BCL2L14: variants seen among roughly 807,000 people sequenced by gnomAD.
BCL2L14 encodes BCL2 like 14.
Under a neutral mutation model 35.3 loss-of-function variants are expected in BCL2L14, and 27 were observed. That is an observed-to-expected ratio of 0.76 (90% CI 0.56 to 1.05). The LOEUF is 1.05. Ranked by LOEUF, BCL2L14 falls within the 50% of genes least tolerant of loss-of-function variation. BCL2L14 has a pLI of 0.00. For synonymous variants in BCL2L14, 139 were observed against 145.9 expected (o/e 0.95, Z 0.34); for missense variants, 377 against 382.6 (o/e 0.99, Z 0.12).
chr12:12,069,707 CAAAA>C (rs34941963), upstream of BCL2L14, among the ~76,000 whole-genome samples: 8 of 117,348 alleles, frequency 6.8e-5, no homozygotes, highest in Admixed American at 8.8e-5. Flanking sequence ...GACTCCGTCT[CAAAA>C]AAAAAAAAAA....
At chr12:12,061,931 T>C (rs1948531550) in intron 2 of BCL2L14, among the ~76,000 whole-genome samples, 1 of 152,222 alleles carries the variant, frequency 6.6e-6, no homozygotes, top group Non-Finnish European at 1.5e-5. Context: ...GCATGGTTAG[T>C]GCAGTCCGAA....
At chr12:12,052,064 G>A (rs539491897) in intron 2 of BCL2L14, among the ~76,000 whole-genome samples, 1 of 151,928 alleles carries the variant, frequency 6.6e-6, no homozygotes, top group Non-Finnish European at 1.5e-5. Context: ...CTTTTTTGAG[G>A]TTTTTTTCTT....
chr12:12,058,241 T>G (rs1199312807), intron 2 of BCL2L14, among the ~76,000 whole-genome samples: 1 of 150,854 alleles, frequency 6.6e-6, no homozygotes, highest in Non-Finnish European at 1.5e-5. Context: ...CGTGAGTCAT[T>G]GTGCCCAGAC....
Position 12,079,371 on chromosome 12 carries a change from A to G in BCL2L14, c.66A>G (p.Ile22Met). ...IPLDDDDLNT[I>M]EFKILAYYTR... The stretch of plus-strand genomic sequence containing the variant: ...TAGATGATGATGACCTAAACACCAT[A>G]GAATTCAAAATCCTCGCCTACTACA... Residue 22 changes from isoleucine (I) to methionine (M), a missense_variant, in exon 2 of 6, where the codon ATA becomes ATG. By Grantham distance (10) the Ile-to-Met change is conservative. Transcript: ENST00000308721. The G allele has an allele frequency of 6.2e-7, 1 of 1,614,232 alleles. No homozygotes were observed. Among genetic ancestry groups the G allele is most frequent in the Non-Finnish European group, 8.5e-7 (1 of 1,180,046 alleles).
At chr12:12,094,257 A>T (rs1449594612) in intron 4 of BCL2L14, among the ~76,000 whole-genome samples, 4 of 152,210 alleles carry the variant, frequency 2.6e-5, no homozygotes. Context: ...GAGCCAAGAC[A>T]GTGATTCCTA....
intron 2 of BCL2L14, among the ~76,000 whole-genome samples, chr12:12,086,783 TG>T (rs1472569791): frequency 3.9e-5 from 6 of 152,192 alleles, no homozygotes; most frequent in Non-Finnish European, 8.8e-5. Flanking sequence ...CCGAAATGCT[TG>T]TCAAATTATC....
intron 3 of BCL2L14, among the ~76,000 whole-genome samples, chr12:12,090,122 C>T (rs1044701830): frequency 2.0e-5 from 3 of 152,058 alleles, no homozygotes; most frequent in Non-Finnish European, 4.4e-5. Flanking sequence ...AGAATATTCC[C>T]CCTAAATATC....
chr12:12,050,616 G>A (rs1321224405), intron 1 of BCL2L14, among the ~76,000 whole-genome samples: 6 of 151,348 alleles, frequency 4.0e-5, no homozygotes, highest in African/African-American at 1.5e-4. Flanking sequence ...AAAAGGAACA[G>A]TGCGACCCGT....
intron 3 of BCL2L14, among the ~76,000 whole-genome samples, chr12:12,089,826 C>G (rs971090750): frequency 6.6e-6 from 1 of 152,286 alleles, no homozygotes; most frequent in African/African-American, 2.4e-5. Context: ...ACCTTATTGT[C>G]AAGACCCAGC....
chr12:12,061,175 T>A (rs530688359), intron 2 of BCL2L14, among the ~76,000 whole-genome samples: 1 of 148,690 alleles, frequency 6.7e-6, no homozygotes, highest in Admixed American at 6.8e-5. Flanking sequence ...AATTATCTGC[T>A]TCCCTGACTA....
rs143347022 is a variant in BCL2L14, at chr12:12,074,656, C to A, written c.-8+3519C>A. ...GTTTCACCATGTTGGCCAGGCTTGT[C>A]TTGAACTCCTGACCTCAAGTGATCT... On this transcript the variant is annotated intron_variant, in intron 1 of 5. Coordinates refer to ENST00000308721, the MANE Select transcript of BCL2L14 (RefSeq NM_138723.2). Among the ~76,000 whole-genome samples, 1,104 of 152,232 alleles carry A rather than the reference C, an allele frequency of 7.3e-3. 6 individuals are homozygous for A. The highest frequency in any genetic ancestry group is 0.013 in the Admixed American group (195 of 15,288).
chr12:12,095,980 A>G lies in BCL2L14; in HGVS notation c.945+1050A>G, dbSNP rs543070433. 2.7e-3 allele frequency: 2,658 copies of G among 985,358 alleles called. 8 individuals carry two copies. Among genetic ancestry groups the G allele is most frequent in the South Asian group, 8.1e-3 (172 of 21,274 alleles). 61.0% of individuals were successfully genotyped at this position (985,358 alleles called of 1,614,324 possible). A position where few individuals can be genotyped will look rare whatever the true frequency, so the allele number is the denominator to read the frequency against. On this transcript the variant is annotated intron_variant, in intron 5 of 5. Transcript: ENST00000308721. ...CTTAAGCTGCCTTAGCTTATTCTAA[A>G]AGGAGGACAGGTTCCTCAACATTAT...
intron 1 of BCL2L14, among the ~76,000 whole-genome samples, chr12:12,076,566 G>A (rs923992911): frequency 1.3e-5 from 2 of 152,122 alleles, no homozygotes; most frequent in Admixed American, 1.3e-4. Flanking sequence ...TAGTTGGTCT[G>A]GTGGGTTTTG....
At chr12:12,096,325 A>G (rs2448049) in intron 5 of BCL2L14, 65,062 of 249,536 alleles carry the variant, frequency 0.26, 9,047 homozygotes, top group East Asian at 0.37. Context: ...TACCATAAAT[A>G]TGCTATTAAA....
chr12:12,057,822 T>C (rs553186483), intron 2 of BCL2L14, among the ~76,000 whole-genome samples: 1 of 149,900 alleles, frequency 6.7e-6, no homozygotes, highest in African/African-American at 2.5e-5. Flanking sequence ...GTGAAGAAGA[T>C]GGTCAGGTTT....
At chr12:12,065,808 T>C (rs1213435106) in intron 2 of BCL2L14, among the ~76,000 whole-genome samples, 1 of 151,686 alleles carries the variant, frequency 6.6e-6, no homozygotes, top group Non-Finnish European at 1.5e-5. Flanking sequence ...TTTTTTTTTT[T>C]TGAGGCGAAG....
intron 1 of BCL2L14, chr12:12,077,970 T>C: frequency 4.5e-6 from 2 of 444,114 alleles, no homozygotes; most frequent in South Asian, 1.6e-5. Context: ...AGAGAAGGAG[T>C]TATTTCATGT....
At chr12:12,068,414 T>C (rs1214831063), upstream of BCL2L14, among the ~76,000 whole-genome samples, 1 of 152,132 alleles carries the variant, frequency 6.6e-6, no homozygotes, top group East Asian at 1.9e-4. Flanking sequence ...GTTTTTGTTT[T>C]TGTTTTGAGA....
chr12:12,087,129 T>C, intron 2 of BCL2L14, 84 bp from the exon 3 acceptor site: 1 of 1,460,302 alleles, frequency 6.8e-7, no homozygotes, highest in Non-Finnish European at 9.4e-7. Context: ...TGGCCTGGTC[T>C]TTTCATTCCA....
Sources: allele counts gnomAD v4.1 joint callset (sites outside exome capture counted in the v4.1 genomes callset), GRCh38; gene constraint gnomAD v4.1.1; transcripts MANE v1.5; gene names NCBI Gene and HGNC (gene_info 2026-07-23, HGNC 2026-07-21).